TLL1: variants seen among roughly 807,000 people sequenced by gnomAD.
TLL1 encodes tolloid like 1, also known as tolloid-like protein 1.
TLL1 carries 49 observed loss-of-function variants against 128.2 expected under a neutral mutation model. The observed-to-expected ratio is 0.38, with a 90% CI of 0.30 to 0.48. The LOEUF (loss-of-function observed/expected upper bound fraction) is 0.48. TLL1 is among the 20% of genes least tolerant of loss of function. The pLI, the probability that TLL1 is intolerant of heterozygous loss-of-function variation, is 0.96. For missense variants in TLL1, 1,123 were observed against 1,242.0 expected (o/e 0.90, Z 1.44); for synonymous variants, 454 against 418.8 (o/e 1.08, Z -1.03).
intron 1 of TLL1, among the ~76,000 whole-genome samples, chr4:165,936,206 A>ATTTTTTTTTTTT: frequency 7.2e-6 from 1 of 139,602 alleles, no homozygotes; most frequent in East Asian, 2.1e-4. Context: ...ATATATATAT[A>ATTTTTTTTTTTT]TTTTTTTTTC....
chr4:166,085,425 A>C (rs953090055), intron 18 of TLL1, among the ~76,000 whole-genome samples: 1 of 151,064 alleles, frequency 6.6e-6, no homozygotes, highest in Non-Finnish European at 1.5e-5. Context: ...TGTCATACAT[A>C]GTCTTTATTG....
intron 1 of TLL1, among the ~76,000 whole-genome samples, chr4:165,877,790 C>T (rs79626665): frequency 0.036 from 4,023 of 112,086 alleles, 60 homozygotes; most frequent in South Asian, 0.13. Context: ...TTTTTTTTTT[C>T]TTTTTTTGTA....
At chr4:165,916,169 A>C (rs1238572452) in intron 1 of TLL1, among the ~76,000 whole-genome samples, 6 of 152,168 alleles carry the variant, frequency 3.9e-5, no homozygotes, top group South Asian at 4.1e-4. Flanking sequence ...AAGAACTGCG[A>C]GCTCTTGGAA....
intron 9 of TLL1, among the ~76,000 whole-genome samples, chr4:166,031,646 G>A (rs1329542603): frequency 1.3e-5 from 2 of 151,942 alleles, no homozygotes; most frequent in East Asian, 1.9e-4. Flanking sequence ...GGGCTTACAG[G>A]CATGAGCCAC....
intron 14 of TLL1, among the ~76,000 whole-genome samples, chr4:166,057,673 C>T (rs949554268): frequency 6.6e-6 from 1 of 152,140 alleles, no homozygotes; most frequent in Non-Finnish European, 1.5e-5. Context: ...TTCCACATGG[C>T]TGGTGAGGCC....
intron 1 of TLL1, among the ~76,000 whole-genome samples, chr4:165,929,023 C>A (rs947516801): frequency 2.6e-5 from 4 of 152,102 alleles, no homozygotes; most frequent in Admixed American, 6.5e-5. Flanking sequence ...AGTGTCGGAC[C>A]ATCCCATTGA....
intron 15 of TLL1, among the ~76,000 whole-genome samples, chr4:166,061,238 CTTTTTTTTTTTTCT>C (rs199501444): frequency 0.42 from 60,507 of 142,988 alleles, 13,104 homozygotes; most frequent in African/African-American, 0.6. Flanking sequence ...TCCTCCTTTC[CTTTTTTTTTTTTCT>C]TTTTTTTTTT....
At chr4:165,948,606 A>G (rs1404063810) in intron 1 of TLL1, among the ~76,000 whole-genome samples, 3 of 152,132 alleles carry the variant, frequency 2.0e-5, no homozygotes, top group Non-Finnish European at 4.4e-5. Flanking sequence ...GCAGGGCCTC[A>G]CATGGTGAGG....
At chr4:165,988,309 G>A (rs1225579046) in intron 1 of TLL1, among the ~76,000 whole-genome samples, 2 of 152,044 alleles carry the variant, frequency 1.3e-5, no homozygotes, top group Non-Finnish European at 2.9e-5. Flanking sequence ...TAATACACTA[G>A]GTAAAAAAGA....
At chr4:165,949,377 A>T (rs1734402198) in intron 1 of TLL1, among the ~76,000 whole-genome samples, 1 of 152,142 alleles carries the variant, frequency 6.6e-6, no homozygotes, top group Non-Finnish European at 1.5e-5. Flanking sequence ...TTTCAGCCTT[A>T]TGAAGCTCTA....
intron 1 of TLL1, among the ~76,000 whole-genome samples, chr4:165,894,507 A>T (rs1482922941): frequency 6.6e-6 from 1 of 152,164 alleles, no homozygotes; most frequent in East Asian, 1.9e-4. Context: ...AGTGAAATAA[A>T]TACTTTTCTA....
intron 1 of TLL1, among the ~76,000 whole-genome samples, chr4:165,958,063 G>C: frequency 6.7e-6 from 1 of 149,680 alleles, no homozygotes; most frequent in Non-Finnish European, 1.5e-5. Context: ...TGGCTGCATA[G>C]TATTCCATGG....
In TLL1 at chr4:166,075,133, C is replaced by A. The variant is rs73863547; in HGVS notation, c.2314+130C>A. The A allele has an allele frequency of 1.9e-3, 2,506 of 1,305,666 alleles. 34 individuals are homozygous for A. In the African/African-American group the frequency reaches 0.032, roughly 17 times the overall value. The allele number at this position is 1,305,666 out of a possible 1,614,324, so 80.9% of individuals were successfully genotyped here. A position where few individuals can be genotyped will look rare whatever the true frequency, so the allele number is the denominator to read the frequency against. ...GGTGGGCTATCCAAATGTCAAAAAA[C>A]AAAATTCTGTGTAATGTCCAAAGAT... On this transcript the variant is annotated intron_variant, in intron 17 of 20. Coordinates refer to ENST00000061240, the MANE Select transcript of TLL1 (RefSeq NM_012464.5).
chr4:165,956,411 C>T (rs747866089), intron 1 of TLL1, among the ~76,000 whole-genome samples: 6 of 152,004 alleles, frequency 3.9e-5, no homozygotes, highest in Non-Finnish European at 8.8e-5. Flanking sequence ...CGTTTATAGA[C>T]CTCCCCCCAG....
At chr4:165,887,798 A>C (rs563527381) in intron 1 of TLL1, among the ~76,000 whole-genome samples, 7 of 152,300 alleles carry the variant, frequency 4.6e-5, no homozygotes, top group Middle Eastern at 6.8e-3. Flanking sequence ...TTAACATGGT[A>C]TATATCTGTA....
chr4:165,885,862 C>T (rs1053582467), intron 1 of TLL1, among the ~76,000 whole-genome samples: 2 of 152,064 alleles, frequency 1.3e-5, no homozygotes, highest in Non-Finnish European at 2.9e-5. Context: ...AGCATTTTAC[C>T]AAGTACATGA....
At chr4:165,928,144 C>A (rs994215057) in intron 1 of TLL1, among the ~76,000 whole-genome samples, 1 of 152,118 alleles carries the variant, frequency 6.6e-6, no homozygotes, top group Non-Finnish European at 1.5e-5. Context: ...TTCTAAAAAT[C>A]AGAATTAAAT....
chr4:165,961,521 A>T (rs1021658373), intron 1 of TLL1, among the ~76,000 whole-genome samples: 5 of 152,194 alleles, frequency 3.3e-5, no homozygotes, highest in African/African-American at 9.6e-5. Flanking sequence ...AAGTAATCCT[A>T]TCCAAAAAGA....
intron 1 of TLL1, among the ~76,000 whole-genome samples, chr4:165,911,653 T>G (rs1579476140): frequency 6.6e-6 from 1 of 152,280 alleles, no homozygotes; most frequent in South Asian, 2.1e-4. Flanking sequence ...CCCCTTTTTT[T>G]AATTTTCAAG....
Sources: allele counts gnomAD v4.1 joint callset (sites outside exome capture counted in the v4.1 genomes callset), GRCh38; gene constraint gnomAD v4.1.1; transcripts MANE v1.5; gene names NCBI Gene and HGNC (gene_info 2026-07-23, HGNC 2026-07-21).